PKHD1: variants seen among roughly 807,000 people sequenced by gnomAD.
PKHD1 encodes the protein fibrocystin.
In PKHD1, 291 loss-of-function variants were observed where a neutral mutation model predicts 412.0. The observed-to-expected ratio is 0.71, with a 90% CI of 0.64 to 0.78. PKHD1 has a LOEUF of 0.78. Ranked by LOEUF, PKHD1 falls within the 30% of genes least tolerant of loss-of-function variation. The probability of loss-of-function intolerance (pLI) is 0.00; values close to 1 mark genes in which losing one functional copy is unlikely to be tolerated. For synonymous variants in PKHD1, 1,777 were observed against 1,821.5 expected, an observed-to-expected ratio of 0.98 and a Z score of 0.62; for missense variants, 4,825 against 4,950.7, an observed-to-expected ratio of 0.97 and a Z score of 0.76.
intron 64 of PKHD1, among the ~76,000 whole-genome samples, chr6:51,634,550 C>G (rs1768296742): frequency 6.6e-6 from 1 of 152,150 alleles, no homozygotes; most frequent in Non-Finnish European, 1.5e-5. Flanking sequence ...TACCAGTTCC[C>G]ATTCTTAAGA....
intron 33 of PKHD1, among the ~76,000 whole-genome samples, chr6:52,019,927 C>G (rs1183966167): frequency 6.6e-6 from 1 of 151,946 alleles, no homozygotes; most frequent in African/African-American, 2.4e-5. Flanking sequence ...TTTGTAGAGC[C>G]CCCTGCTTTA....
chr6:51,958,381 C>A (rs900910976), intron 36 of PKHD1, among the ~76,000 whole-genome samples: 2 of 152,028 alleles, frequency 1.3e-5, no homozygotes, highest in Non-Finnish European at 2.9e-5. Flanking sequence ...GAGGTTGGGG[C>A]AAGTATTGGG....
At chr6:51,716,994 T>C (rs76724301) in intron 60 of PKHD1, among the ~76,000 whole-genome samples, 7,181 of 152,270 alleles carry the variant, frequency 0.047, 226 homozygotes, top group Middle Eastern at 0.11. Flanking sequence ...CTTCTTCAAC[T>C]GTGTTAGGTG....
rs1427663687 is a variant in PKHD1, at chr6:52,056,765, T to A, written c.1626A>T (p.Leu542Phe). 1 of 1,613,144 alleles carries A rather than the reference T, an allele frequency of 6.2e-7. No individual in the cohort carries two copies. Among genetic ancestry groups the A allele is most frequent in the Non-Finnish European group, 8.5e-7 (1 of 1,179,120 alleles). Residue 542 changes from leucine to phenylalanine, a missense_variant, in exon 18 of 67, where the codon TTA becomes TTT. Physicochemically the swap from Leu to Phe is conservative, Grantham distance 22 (BLOSUM62 0). Transcript: ENST00000371117. ...AHLIQTTIEELLAVKCKLEPL... is the reference protein window; with the variant it reads ...AHLIQTTIEEFLAVKCKLEPL... The stretch of plus-strand genomic sequence containing the variant: ...GTTCCAGTTTGCATTTTACTGCAAG[T>A]AACTCCTCAATGGTTGTTTGAATCT...
Position 52,026,037 on chromosome 6 carries a change from G to C in PKHD1, c.3773C>G (p.Pro1258Arg), listed in dbSNP as rs761654750. The C allele has an allele frequency of 1.7e-5, 27 of 1,613,938 alleles. No homozygotes were observed. Residue 1258 changes from proline (P) to arginine (R), a missense_variant, in exon 32 of 67, where the codon CCC becomes CGC. Physicochemically the swap from Pro to Arg is moderately radical, Grantham distance 103 (BLOSUM62 -2). Transcript: ENST00000371117. ...WCETLPAPQIPDAGAPTVPAA... is the reference protein window; with the variant it reads ...WCETLPAPQIRDAGAPTVPAA... ...TGGAACAGTGGGAGCGCCCGCATCG[G>C]GTATCTGGGGGGCTGGCAGGGTTTC...
intron 30 of PKHD1, 79 bp from the exon 31 acceptor site, chr6:52,027,975 T>C: frequency 7.9e-7 from 1 of 1,262,280 alleles, no homozygotes; most frequent in Non-Finnish European, 1.2e-6. Context: ...GCCATATGTA[T>C]TTTGAGGAGA....
intron 37 of PKHD1, among the ~76,000 whole-genome samples, chr6:51,924,020 G>A (rs1785138693): frequency 6.6e-6 from 1 of 152,190 alleles, no homozygotes; most frequent in South Asian, 2.1e-4. Context: ...GGTTGTGAGA[G>A]TTAAATGAGA....
intron 60 of PKHD1, among the ~76,000 whole-genome samples, chr6:51,683,210 A>G (rs1178082793): frequency 2.6e-5 from 4 of 152,088 alleles, no homozygotes; most frequent in Non-Finnish European, 5.9e-5. Context: ...TTTAAGTTCA[A>G]TGACTCCTCC....
chr6:51,857,808 C>T (rs1005762601), intron 48 of PKHD1, among the ~76,000 whole-genome samples: 1 of 152,100 alleles, frequency 6.6e-6, no homozygotes, highest in Non-Finnish European at 1.5e-5. Flanking sequence ...TAGCACTTGA[C>T]ACATATTTCT....
intron 53 of PKHD1, among the ~76,000 whole-genome samples, chr6:51,783,434 T>C (rs1371286761): frequency 6.7e-6 from 1 of 149,942 alleles, no homozygotes; most frequent in Non-Finnish European, 1.5e-5. Flanking sequence ...TTAATACAAA[T>C]GTATTATTGG....
chr6:51,766,716 T>C (rs1203697567), intron 55 of PKHD1, among the ~76,000 whole-genome samples: 1 of 143,552 alleles, frequency 7.0e-6, no homozygotes, highest in South Asian at 2.1e-4. Context: ...GTTATTATTA[T>C]ACTTTAAGTT....
intron 53 of PKHD1, 42 bp from the exon 54 acceptor site, chr6:51,775,963 T>A (rs780898005): frequency 1.1e-6 from 1 of 941,380 alleles, no homozygotes; most frequent in South Asian, 1.3e-5. Context: ...CAATTTGAAA[T>A]TAAAAGAAAG....
chr6:51,991,768 G>C (rs944480304), intron 35 of PKHD1, among the ~76,000 whole-genome samples: 2 of 152,132 alleles, frequency 1.3e-5, no homozygotes, highest in Admixed American at 6.5e-5. Flanking sequence ...TTTAATGATG[G>C]ACTTTATGGA....
At chr6:51,915,461 G>A (rs536514246) in intron 37 of PKHD1, among the ~76,000 whole-genome samples, 19 of 152,064 alleles carry the variant, frequency 1.2e-4, no homozygotes, top group African/African-American at 2.4e-4. Flanking sequence ...TTCATTCACC[G>A]TCACAATATC....
intron 35 of PKHD1, among the ~76,000 whole-genome samples, chr6:52,001,249 A>G (rs113899089): frequency 0.011 from 1,645 of 152,274 alleles, 39 homozygotes; most frequent in African/African-American, 0.037. Flanking sequence ...AAAATGCATT[A>G]TAATGTTTAC....
intron 60 of PKHD1, among the ~76,000 whole-genome samples, chr6:51,699,461 A>G (rs1258945595): frequency 1.3e-5 from 2 of 151,762 alleles, no homozygotes; most frequent in East Asian, 3.9e-4. Context: ...ACTTATCCAC[A>G]CTCTTGATGA....
chr6:52,019,507 T>G (rs1327079895), intron 33 of PKHD1, among the ~76,000 whole-genome samples: 1 of 152,068 alleles, frequency 6.6e-6, no homozygotes, highest in African/African-American at 2.4e-5. Flanking sequence ...CTAAGGCAAA[T>G]AAAAACAAGC....
intron 35 of PKHD1, among the ~76,000 whole-genome samples, chr6:51,983,285 T>C (rs1252374147): frequency 6.6e-6 from 1 of 152,240 alleles, no homozygotes; most frequent in Non-Finnish European, 1.5e-5. Context: ...CTTGCTTGTA[T>C]TGATATTTTA....
At chr6:51,923,020 G>A (rs532525213) in intron 37 of PKHD1, among the ~76,000 whole-genome samples, 69 of 152,240 alleles carry the variant, frequency 4.5e-4, no homozygotes, top group African/African-American at 1.4e-3. Context: ...CATCTTCTGC[G>A]TTGCTCATGC....
Sources: allele counts gnomAD v4.1 joint callset (sites outside exome capture counted in the v4.1 genomes callset), GRCh38; gene constraint gnomAD v4.1.1; transcripts MANE v1.5; gene names NCBI Gene and HGNC (gene_info 2026-07-23, HGNC 2026-07-21).